Variants in SASH1 observed in about 807,000 individuals in gnomAD.
SASH1 encodes the protein SAM and SH3 domain-containing protein 1.
Under a neutral mutation model 125.2 loss-of-function variants are expected in SASH1, and 44 were observed. The observed-to-expected ratio is 0.35, with a 90% CI of 0.28 to 0.45. The LOEUF (loss-of-function observed/expected upper bound fraction) is 0.45, where lower values mean the gene tolerates loss of function less well. SASH1 is among the 20% of genes least tolerant of loss of function. SASH1 has a pLI of 1.00. For missense variants in SASH1, 1,426 were observed against 1,614.5 expected (o/e 0.88, Z 2.00); for synonymous variants, 639 against 649.1 (o/e 0.98, Z 0.24).
intron 4 of SASH1, among the ~76,000 whole-genome samples, chr6:148,449,830 T>C (rs7751271): frequency 0.67 from 102,173 of 152,032 alleles, 35,096 homozygotes; most frequent in African/African-American, 0.82. Flanking sequence ...AGGAAGTGAA[T>C]ATGTGTGAAG....
At chr6:148,521,437 C>T (rs1034877055) in intron 10 of SASH1, among the ~76,000 whole-genome samples, 5 of 152,208 alleles carry the variant, frequency 3.3e-5, no homozygotes, top group East Asian at 3.8e-4. Context: ...AAAGTGAAGA[C>T]GGATTGGTCA....
chr6:148,226,240 T>G, the SASH1 span, among the ~76,000 whole-genome samples: 1 of 152,232 alleles, frequency 6.6e-6, no homozygotes, highest in Non-Finnish European at 1.5e-5. Context: ...ACTTAACAAA[T>G]TTCTAAGCAT....
chr6:148,496,730 G>A (rs867513110), intron 8 of SASH1, among the ~76,000 whole-genome samples: 1 of 151,992 alleles, frequency 6.6e-6, no homozygotes, highest in Non-Finnish European at 1.5e-5. Context: ...AAAGTTAGCC[G>A]GGCATGGTGG....
chr6:148,292,941 A>G (rs1779671669), intron 1 of SASH1, among the ~76,000 whole-genome samples: 1 of 151,970 alleles, frequency 6.6e-6, no homozygotes, highest in Admixed American at 6.6e-5. Context: ...AATCCCAGCT[A>G]CTCAGGAGGC....
In SASH1 at chr6:148,529,909, C is replaced by T. The variant is rs575898857; in HGVS notation, c.1429-1617C>T. Among the ~76,000 whole-genome samples the T allele has an allele frequency of 6.6e-5, 10 of 152,020 alleles. No individual in the cohort carries two copies. Among genetic ancestry groups the T allele is most frequent in the Admixed American group, 2.6e-4 (4 of 15,272 alleles). ...GCAACCTCTGCCTCCTGGGTTCAAG[C>T]GATTCTCCCACCTCAGCCTCTTGAG... On this transcript the variant is annotated intron_variant, in intron 12 of 19. Coordinates refer to ENST00000367467, the MANE Select transcript of SASH1 (RefSeq NM_015278.5). This position sits in a 1 kb window ranked among gnomAD's most constrained non-coding sequence, Gnocchi z 4.2.
chr6:148,210,496 G>A, the SASH1 span, among the ~76,000 whole-genome samples: 2,806 of 152,324 alleles, frequency 0.018, 70 homozygotes, highest in African/African-American at 0.065. Flanking sequence ...TCGCGCCATT[G>A]CACTCCAGCC....
chr6:148,403,031 A>T (rs539106978), intron 2 of SASH1, among the ~76,000 whole-genome samples: 15 of 152,288 alleles, frequency 9.8e-5, no homozygotes, highest in African/African-American at 3.1e-4. Flanking sequence ...TAAAGTTAGC[A>T]CTTGTTAAAA....
At chr6:148,359,038 A>G (rs1398733657) in intron 1 of SASH1, among the ~76,000 whole-genome samples, 2 of 151,946 alleles carry the variant, frequency 1.3e-5, no homozygotes, top group African/African-American at 4.8e-5. Flanking sequence ...CCCGGCCCTA[A>G]TGCCATGTTT....
chr6:148,489,586 C>G (rs928670061), intron 8 of SASH1, among the ~76,000 whole-genome samples: 2 of 152,040 alleles, frequency 1.3e-5, no homozygotes, highest in African/African-American at 4.8e-5. Context: ...ACGAAATCTT[C>G]CAGTCAATGA....
In SASH1 at chr6:148,497,530, A is replaced by T. The variant is rs75713082; in HGVS notation, c.729+9815A>T. On this transcript the variant is annotated intron_variant, in intron 8 of 19. Coordinates refer to ENST00000367467, the MANE Select transcript of SASH1 (RefSeq NM_015278.5). ...CAAATCTCCCACCTATTAGCTCTGTATCTGTGGCCAGGCACTTCATCTCTT... is the reference window on the plus strand; with the variant it reads ...CAAATCTCCCACCTATTAGCTCTGTTTCTGTGGCCAGGCACTTCATCTCTT... Among the ~76,000 whole-genome samples the T allele has an allele frequency of 1.9e-3, 284 of 152,336 alleles. 2 individuals are homozygous for T. Among genetic ancestry groups the T allele is most frequent in the African/African-American group, 6.5e-3 (272 of 41,576 alleles).
chr6:148,399,472 C>T (rs1001862139), intron 2 of SASH1, among the ~76,000 whole-genome samples: 1 of 151,892 alleles, frequency 6.6e-6, no homozygotes, highest in African/African-American at 2.4e-5. Flanking sequence ...GTGAGCCACC[C>T]GCGTCAGCCC....
chr6:148,496,901 T>A (rs1012222760), intron 8 of SASH1, among the ~76,000 whole-genome samples: 1 of 152,068 alleles, frequency 6.6e-6, no homozygotes, highest in Non-Finnish European at 1.5e-5. Context: ...AAGTAAATTT[T>A]TTAAAAATAT....
intron 4 of SASH1, among the ~76,000 whole-genome samples, chr6:148,446,254 G>A (rs1199238773): frequency 1.3e-5 from 2 of 151,748 alleles, no homozygotes; most frequent in Non-Finnish European, 2.9e-5. Context: ...GACTACAGGT[G>A]CCCGCCATCA....
chr6:148,433,147 A>G (rs1357613567), intron 2 of SASH1, among the ~76,000 whole-genome samples: 1 of 152,164 alleles, frequency 6.6e-6, no homozygotes, highest in African/African-American at 2.4e-5. Flanking sequence ...TTTTTCTACA[A>G]ATTGTCCAAT....
At chr6:148,291,992 G>A (rs907552665) in intron 1 of SASH1, among the ~76,000 whole-genome samples, 3 of 152,142 alleles carry the variant, frequency 2.0e-5, no homozygotes, top group Admixed American at 2.0e-4. Flanking sequence ...ATCCTCCTGA[G>A]AAAGAGTGGC....
chr6:148,299,387 T>C (rs959948107), intron 1 of SASH1, among the ~76,000 whole-genome samples: 7 of 151,790 alleles, frequency 4.6e-5, no homozygotes, highest in Non-Finnish European at 7.4e-5. Flanking sequence ...AAGACTGTCG[T>C]TGGGTGCGGT....
At position 148,544,138 on chromosome 6, in the gene SASH1, A is replaced by T; in HGVS notation, c.2668A>T (p.Asn890Tyr). The T allele has an allele frequency of 1.9e-6, 3 of 1,614,068 alleles. No homozygotes were observed. Among genetic ancestry groups the T allele is most frequent in the Non-Finnish European group, 2.5e-6 (3 of 1,179,996 alleles). ...CCTGGAGCAAGACTCTGCTGTCGAC[A>T]ATGCATTGCTACTGACCCAAAGCAA... is the stretch of plus-strand genomic sequence containing the variant. ...QPLEQDSAVD[N>Y]ALLLTQSKRF... The change falls in exon 18 of 20, where the codon AAT (asparagine) becomes TAT (tyrosine). Residue 890 changes from asparagine to tyrosine, a missense_variant. This residue lies in a region of SASH1 where 634 missense variants were observed against 694.4 expected (regional missense o/e 0.91). Coordinates refer to ENST00000367467, the MANE Select transcript of SASH1 (RefSeq NM_015278.5). This position sits in a 1 kb window ranked among gnomAD's most constrained non-coding sequence, Gnocchi z 6.4.
intron 1 of SASH1, among the ~76,000 whole-genome samples, chr6:148,329,821 A>C (rs944107312): frequency 2.0e-5 from 3 of 152,152 alleles, no homozygotes; most frequent in Admixed American, 6.5e-5. Context: ...AAACAATGGA[A>C]TTTTACAGCT....
chr6:148,409,639 G>A (rs550397261), intron 2 of SASH1, among the ~76,000 whole-genome samples: 56 of 152,352 alleles, frequency 3.7e-4, no homozygotes, highest in African/African-American at 1.3e-3. Context: ...CACAAAGTAT[G>A]TATCAAGTGA....
Sources: allele counts gnomAD v4.1 joint callset (sites outside exome capture counted in the v4.1 genomes callset), GRCh38; gene constraint gnomAD v4.1.1; regional missense constraint gnomAD v4.1.1; non-coding constraint Gnocchi (gnomAD v3.1); transcripts MANE v1.5; gene names NCBI Gene and HGNC (gene_info 2026-07-23, HGNC 2026-07-21).